The following LCE1E variants were observed in gnomAD, a reference collection of about 807,000 sequenced individuals.
LCE1E encodes late cornified envelope protein 1E.
For synonymous variants in LCE1E, 61 were observed against 55.0 expected, an observed-to-expected ratio of 1.11 and a Z score of -0.48; for missense variants, 144 against 144.3, an observed-to-expected ratio of 1.00 and a Z score of 0.01.
At chr1:152,787,004 G>T (rs553246974) in intron 1 of LCE1E, among the ~76,000 whole-genome samples, 1 of 152,262 alleles carries the variant, frequency 6.6e-6, no homozygotes, top group South Asian at 2.1e-4. Flanking sequence ...AGGGTGTGAA[G>T]ACATATTTGG....
chr1:152,786,418 G>C (rs1651852334), intron 1 of LCE1E, 111 bp downstream of exon 1: 4 of 152,626 alleles, frequency 2.6e-5, no homozygotes, highest in African/African-American at 7.2e-5. Context: ...GTAACAACTG[G>C]GACAGAAAGA....
rs375762230 is a variant in LCE1E at position 152,787,299 on chromosome 1, G to A, written c.-1G>A. 1.9e-6 allele frequency: 3 copies of A among 1,613,918 alleles called. No individual in the cohort carries two copies. The highest frequency in any genetic ancestry group is 1.3e-5 in the African/African-American group (1 of 74,916). Reference sequence around the variant, plus strand: ...TCAGCTCCTAAGTACCTACTGCCGAGATGTCCTGCCAGCAGAGCCAGCAGC... The same window carrying A: ...TCAGCTCCTAAGTACCTACTGCCGAAATGTCCTGCCAGCAGAGCCAGCAGC... On this transcript the variant is annotated 5_prime_UTR_variant, in exon 2 of 2. Coordinates refer to ENST00000368770, the MANE Select transcript of LCE1E (RefSeq NM_178353.2).
Position 152,787,642 on chromosome 1 carries a change from G to T in LCE1E, c.343G>T (p.Gly115Ter). 1 of 1,575,548 alleles carries T rather than the reference G, an allele frequency of 6.3e-7. No homozygotes were observed. Among genetic ancestry groups the T allele is most frequent in the Non-Finnish European group, 8.6e-7 (1 of 1,162,154 alleles). ...TGGAGGGGGCAGCGGCCAGCACTCTGGAGGCTGCTGCTGAAGTGGACCTTG... is the reference window on the plus strand; with the variant it reads ...TGGAGGGGGCAGCGGCCAGCACTCTTGAGGCTGCTGCTGAAGTGGACCTTG... ...CCGGGSGQHS[G>*]GCC is the part of the protein sequence containing the mutation. Residue 115 changes from glycine (G) to a stop codon, truncating the protein, a stop_gained, in exon 2 of 2, where the codon GGA becomes TGA. Coordinates refer to ENST00000368770, the MANE Select transcript of LCE1E (RefSeq NM_178353.2). LOFTEE classifies it high-confidence loss of function.
intron 1 of LCE1E, 44 bp downstream of exon 1, chr1:152,786,351 A>C: frequency 6.6e-6 from 1 of 152,384 alleles, no homozygotes; most frequent in Non-Finnish European, 1.5e-5. Flanking sequence ...CCACAGAGGG[A>C]TGCTCAGATC....
In LCE1E at chr1:152,787,185, T is replaced by C. The variant is rs561942818; in HGVS notation, c.-22-93T>C. 2.1e-5 allele frequency: 24 copies of C among 1,169,788 alleles called. No individual in the cohort carries two copies. The South Asian group carries it at 3.1e-4, about 15-fold the overall frequency. The allele number at this position is 1,169,788 out of a possible 1,614,324, so 72.5% of individuals were successfully genotyped here. A position where few individuals can be genotyped will look rare whatever the true frequency, so the allele number is the denominator to read the frequency against. ...GTATTGGAAGTGAAACTACTGGACATGATGTTTCCATAATTACAAGTCATG... is the reference window on the plus strand; with the variant it reads ...GTATTGGAAGTGAAACTACTGGACACGATGTTTCCATAATTACAAGTCATG... On this transcript the variant is annotated intron_variant, in intron 1 of 1. Coordinates refer to ENST00000368770, the MANE Select transcript of LCE1E (RefSeq NM_178353.2).
In LCE1E at chr1:152,787,285, G is replaced by A. The variant is rs773072973; in HGVS notation, c.-15G>A. The A allele has an allele frequency of 2.5e-6, 4 of 1,613,776 alleles. No homozygotes were observed. The highest frequency in any genetic ancestry group is 1.7e-5 in the Admixed American group (1 of 60,028). ...TGTCTGACTCTCCCTCAGCTCCTAA[G>A]TACCTACTGCCGAGATGTCCTGCCA... On this transcript the variant is annotated 5_prime_UTR_variant, in exon 2 of 2. Coordinates refer to ENST00000368770, the MANE Select transcript of LCE1E (RefSeq NM_178353.2).
Position 152,787,265 on chromosome 1 carries a change from G to A in LCE1E, c.-22-13G>A. On this transcript the variant is annotated splice_polypyrimidine_tract_variant and intron_variant, in intron 1 of 1. Transcript: ENST00000368770. Reference sequence around the variant, plus strand: ...TCTGCCTAGGTCTGATTTTCTGTCTGACTCTCCCTCAGCTCCTAAGTACCT... The same window carrying A: ...TCTGCCTAGGTCTGATTTTCTGTCTAACTCTCCCTCAGCTCCTAAGTACCT... 1 of 1,611,810 alleles carries A rather than the reference G, an allele frequency of 6.2e-7. No individual in the cohort carries two copies. Among genetic ancestry groups the A allele is most frequent in the Non-Finnish European group, 8.5e-7 (1 of 1,178,238 alleles).
chr1:152,787,515 A>T lies in LCE1E; in HGVS notation c.216A>T (p.Gly72=), dbSNP rs138092045. Residue 72 remains glycine, a synonymous_variant, in exon 2 of 2, where the codon GGA becomes GGT. Coordinates refer to ENST00000368770, the MANE Select transcript of LCE1E (RefSeq NM_178353.2). ...CTGGGGGCTGCTGCAGCTCTGGGGGAGGTGGCTGCTGCCTGAGCCACCACA... is the reference window on the plus strand; with the variant it reads ...CTGGGGGCTGCTGCAGCTCTGGGGGTGGTGGCTGCTGCCTGAGCCACCACA... ...SSSGGCCSSG[G]GGCCLSHHRH... 12,049 of 1,611,898 alleles carry T rather than the reference A, an allele frequency of 7.5e-3. 300 individuals are homozygous for T. The highest frequency in any genetic ancestry group is 0.071 in the East Asian group (3,177 of 44,744).
Position 152,787,288 on chromosome 1 carries a change from C to A in LCE1E, c.-12C>A, listed in dbSNP as rs1570852923. 6.2e-7 allele frequency: 1 copy of A among 1,613,836 alleles called. No individual in the cohort carries two copies. The highest frequency in any genetic ancestry group is 8.5e-7 in the Non-Finnish European group (1 of 1,179,756). ...CTGACTCTCCCTCAGCTCCTAAGTA[C>A]CTACTGCCGAGATGTCCTGCCAGCA... On this transcript the variant is annotated 5_prime_UTR_variant, in exon 2 of 2. Transcript: ENST00000368770.
At position 152,787,489 on chromosome 1, in the gene LCE1E, T is replaced by G; in HGVS notation, c.190T>G (p.Ser64Ala). The G allele has an allele frequency of 6.2e-7, 1 of 1,613,688 alleles. No homozygotes were observed. The highest frequency in any genetic ancestry group is 8.5e-7 in the Non-Finnish European group (1 of 1,179,794). Residue 64 changes from serine to alanine, a missense_variant, in exon 2 of 2, where the codon TCT becomes GCT. Transcript: ENST00000368770. ...CTCTGGGGGCAGCTGTGGCTCCAGC[T>G]CTGGGGGCTGCTGCAGCTCTGGGGG... is the stretch of plus-strand genomic sequence containing the variant. ...SSSGGSCGSS[S>A]GGCCSSGGGG...
At chr1:152,787,224 A>T in intron 1 of LCE1E, 54 bp from the exon 2 acceptor site, 1 of 1,454,136 alleles carries the variant, frequency 6.9e-7, no homozygotes, top group Non-Finnish European at 9.6e-7. Flanking sequence ...AGAGTGTCAG[A>T]GGGGCAGAGG....
At position 152,787,277 on chromosome 1, in the gene LCE1E, G is replaced by A; in HGVS notation, c.-22-1G>A. 1 of 1,613,360 alleles carries A rather than the reference G, an allele frequency of 6.2e-7. No homozygotes were observed. Among genetic ancestry groups the A allele is most frequent in the Non-Finnish European group, 8.5e-7 (1 of 1,179,388 alleles). On this transcript the variant is annotated splice_acceptor_variant, in intron 1 of 1. Coordinates refer to ENST00000368770, the MANE Select transcript of LCE1E (RefSeq NM_178353.2). LOFTEE classifies it low-confidence loss of function (5UTR_SPLICE). ...TGATTTTCTGTCTGACTCTCCCTCA[G>A]CTCCTAAGTACCTACTGCCGAGATG...
chr1:152,786,915 G>T (rs1651862870), intron 1 of LCE1E, among the ~76,000 whole-genome samples: 1 of 152,126 alleles, frequency 6.6e-6, no homozygotes, highest in Non-Finnish European at 1.5e-5. Flanking sequence ...AAACTACCTT[G>T]CAAGTTACAA....
intron 1 of LCE1E, among the ~76,000 whole-genome samples, chr1:152,786,579 C>CT (rs1651855800): frequency 1.3e-5 from 2 of 152,160 alleles, no homozygotes; most frequent in South Asian, 4.1e-4. Context: ...AACCTTGTCC[C>CT]TGTCTGCAAG....
Position 152,787,583 on chromosome 1 carries a change from G to T in LCE1E, c.284G>T (p.Cys95Phe). 1 of 1,612,502 alleles carries T rather than the reference G, an allele frequency of 6.2e-7. No individual in the cohort carries two copies. The highest frequency in any genetic ancestry group is 8.5e-7 in the Non-Finnish European group (1 of 1,179,548). ...SHRHRPQSSD[C>F]CSQPSGGSSC... ...CGTCACAGACCCCAGAGCTCTGACTGCTGCAGCCAGCCCTCAGGGGGCTCC... is the reference window on the plus strand; with the variant it reads ...CGTCACAGACCCCAGAGCTCTGACTTCTGCAGCCAGCCCTCAGGGGGCTCC... The change falls in exon 2 of 2, where the codon TGC (cysteine) becomes TTC (phenylalanine). Residue 95 changes from cysteine (C) to phenylalanine (F), a missense_variant. Coordinates refer to ENST00000368770, the MANE Select transcript of LCE1E (RefSeq NM_178353.2).
At chr1:152,786,861 C>T (rs1327101241) in intron 1 of LCE1E, among the ~76,000 whole-genome samples, 4 of 152,094 alleles carry the variant, frequency 2.6e-5, no homozygotes, top group African/African-American at 9.7e-5. Context: ...GTTTACTGAG[C>T]CAGTAATATC....
intron 1 of LCE1E, among the ~76,000 whole-genome samples, chr1:152,786,605 T>C (rs1027493082): frequency 5.9e-5 from 9 of 151,558 alleles, no homozygotes; most frequent in African/African-American, 2.2e-4. Flanking sequence ...GCTGGAGCCA[T>C]GGACAGGGGA....
chr1:152,786,996 G>A (rs754989522), intron 1 of LCE1E, among the ~76,000 whole-genome samples: 3 of 152,004 alleles, frequency 2.0e-5, no homozygotes, highest in African/African-American at 4.8e-5. Flanking sequence ...ATAATTTCAG[G>A]GTGTGAAGAC....
rs757591820 is a variant in LCE1E, at chr1:152,787,325, A to C, written c.26A>C (p.Gln9Pro). Residue 9 changes from glutamine to proline, a missense_variant, in exon 2 of 2, where the codon CAG (glutamine) becomes CCG (proline). By Grantham distance (76) the Gln-to-Pro change is moderately conservative (BLOSUM62 -1). Transcript: ENST00000368770. ...ATGTCCTGCCAGCAGAGCCAGCAGC[A>C]GTGCCAGCCCCCTCCCAAGTGCACT... MSCQQSQQ[Q>P]CQPPPKCTPK... 20 of 1,614,050 alleles carry C rather than the reference A, an allele frequency of 1.2e-5. No homozygotes were observed. The highest frequency in any genetic ancestry group is 1.6e-5 in the Non-Finnish European group (19 of 1,180,024).
Sources: gnomAD v4.1 joint callset for allele counts (sites outside exome capture counted in the v4.1 genomes callset) on GRCh38, gnomAD v4.1.1 for gene constraint, MANE v1.5 for transcripts, NCBI Gene and HGNC (gene_info 2026-07-23, HGNC 2026-07-21) for gene names.